The following FHIT variants were observed in gnomAD, a reference collection of about 807,000 sequenced individuals.
FHIT encodes the protein fragile histidine triad diadenosine triphosphatase.
In FHIT, 19 loss-of-function variants were observed where a neutral mutation model predicts 17.9. The observed-to-expected ratio is 1.06, with a 90% CI of 0.74 to 1.56. The LOEUF (loss-of-function observed/expected upper bound fraction) is 1.56, where lower values mean the gene tolerates loss of function less well. Among genes scored for constraint, FHIT ranks in the 40% most tolerant of loss-of-function variants. The pLI, the probability that FHIT is intolerant of heterozygous loss-of-function variation, is 0.00. For synonymous variants in FHIT, 81 were observed against 69.7 expected, an observed-to-expected ratio of 1.16 and a Z score of -0.81; for missense variants, 248 against 189.2, an observed-to-expected ratio of 1.31 and a Z score of -1.82.
intron 5 of FHIT, among the ~76,000 whole-genome samples, chr3:60,413,913 G>A (rs1298852579): frequency 6.6e-6 from 1 of 152,134 alleles, no homozygotes; most frequent in East Asian, 1.9e-4. Context: ...ATATATTGGT[G>A]AATAAAATAG....
At chr3:61,080,765 C>T (rs1435491704) in intron 2 of FHIT, among the ~76,000 whole-genome samples, 1 of 151,940 alleles carries the variant, frequency 6.6e-6, no homozygotes, top group Non-Finnish European at 1.5e-5. Context: ...GCCCTGACAG[C>T]TTTGAAAGAG....
chr3:60,351,677 C>T (rs1699401955), intron 5 of FHIT, among the ~76,000 whole-genome samples: 1 of 152,182 alleles, frequency 6.6e-6, no homozygotes, highest in African/African-American at 2.4e-5. Context: ...ATAAACATTC[C>T]TATAGAATCC....
chr3:59,881,675 A>AT (rs1703416131), intron 8 of FHIT, among the ~76,000 whole-genome samples: 1 of 152,240 alleles, frequency 6.6e-6, no homozygotes, highest in South Asian at 2.1e-4. Context: ...GCATATAACC[A>AT]TTTTTTTCTT....
intron 3 of FHIT, among the ~76,000 whole-genome samples, chr3:60,851,753 T>G (rs1359196230): frequency 2.0e-5 from 3 of 152,172 alleles, no homozygotes; most frequent in African/African-American, 7.2e-5. Context: ...GATTATTATA[T>G]TCAGGGAAGT....
chr3:60,469,788 G>A lies in FHIT; in HGVS notation c.103+67072C>T, dbSNP rs147281943. On this transcript the variant is annotated intron_variant, in intron 5 of 9. Transcript: ENST00000492590. ...CTGGGCTTGTTTCTGCCTATCCTTG[G>A]GAAGGCTTTCCAGGTATTTGAAGGG... Among the ~76,000 whole-genome samples the A allele has an allele frequency of 3.2e-3, 480 of 152,174 alleles. 1 individual carries two copies. The highest frequency in any genetic ancestry group is 0.011 in the African/African-American group (458 of 41,518).
In FHIT at chr3:60,317,617, A is replaced by ATGTG. The variant is rs71950103; in HGVS notation, c.103+219239_103+219242dup. Among the ~76,000 whole-genome samples the ATGTG allele has an allele frequency of 4.4e-3, 621 of 141,016 alleles. 14 individuals carry two copies. In the South Asian group the frequency reaches 0.068, roughly 16 times the overall value. 92.5% of individuals were successfully genotyped at this position (141,016 alleles called of 152,430 possible). The stretch of plus-strand genomic sequence containing the variant: ...ATAATCATATAATATGTAATTATAT[A>ATGTG]TGTGTGTGTGTGTGTGTGTATATAT... On this transcript the variant is annotated intron_variant, in intron 5 of 9. Transcript: ENST00000492590.
intron 4 of FHIT, among the ~76,000 whole-genome samples, chr3:60,778,566 C>G (rs1280697772): frequency 6.6e-6 from 1 of 152,130 alleles, no homozygotes; most frequent in African/African-American, 2.4e-5. Context: ...GTCAAGGAAA[C>G]TTATTTTGAA....
chr3:60,014,192 G>C lies in FHIT; in HGVS notation c.104-40C>G, dbSNP rs1174433591. ...GTTAAGGCCCATGCTGCTGGCTTTG[G>C]GTAGTGTTCTTACCAAGCAGTTCAT... On this transcript the variant is annotated intron_variant, in intron 5 of 9. Transcript: ENST00000492590. 5.6e-6 allele frequency: 9 copies of C among 1,609,172 alleles called. No homozygotes were observed. In the South Asian group the frequency reaches 8.8e-5, roughly 16 times the overall value.
At chr3:59,828,990 T>A (rs954663827) in intron 8 of FHIT, among the ~76,000 whole-genome samples, 14 of 152,174 alleles carry the variant, frequency 9.2e-5, no homozygotes, top group Non-Finnish European at 1.9e-4. Flanking sequence ...TCAAAGCCTC[T>A]CTAGTTTAAG....
At chr3:60,012,598 A>G (rs373191001) in intron 6 of FHIT, among the ~76,000 whole-genome samples, 2 of 152,176 alleles carry the variant, frequency 1.3e-5, no homozygotes, top group African/African-American at 4.8e-5. Flanking sequence ...AATAAAAACT[A>G]TTAGACTGCA....
intron 5 of FHIT, among the ~76,000 whole-genome samples, chr3:60,133,618 G>A (rs1395389719): frequency 2.0e-5 from 3 of 151,948 alleles, no homozygotes; most frequent in Non-Finnish European, 4.4e-5. Context: ...AGAGTGTGGG[G>A]ACCAGGGGGC....
At chr3:61,202,705 G>C (rs115075797) in intron 1 of FHIT, among the ~76,000 whole-genome samples, 1 of 149,294 alleles carries the variant, frequency 6.7e-6, no homozygotes, top group South Asian at 2.2e-4. Context: ...GTCAACCAGA[G>C]AGGGAAAAAA....
At chr3:60,797,059 A>G (rs1311101496) in intron 4 of FHIT, among the ~76,000 whole-genome samples, 1 of 152,210 alleles carries the variant, frequency 6.6e-6, no homozygotes, top group Middle Eastern at 3.2e-3. Context: ...GGGCTTTCCT[A>G]TCACAAACAT....
intron 3 of FHIT, among the ~76,000 whole-genome samples, chr3:60,869,023 C>A (rs550149935): frequency 2.0e-5 from 3 of 152,164 alleles, no homozygotes; most frequent in African/African-American, 7.2e-5. Flanking sequence ...AGGGATTTCC[C>A]AGCTTAACAA....
intron 2 of FHIT, among the ~76,000 whole-genome samples, chr3:61,092,041 A>G (rs535035620): frequency 2.7e-5 from 4 of 150,884 alleles, no homozygotes; most frequent in Admixed American, 2.6e-4. Flanking sequence ...AGAATCAGCA[A>G]CAACCATTTT....
intron 5 of FHIT, among the ~76,000 whole-genome samples, chr3:60,088,097 G>C (rs1467343986): frequency 1.3e-5 from 2 of 152,178 alleles, no homozygotes; most frequent in Admixed American, 6.5e-5. Flanking sequence ...TGTATGGAGA[G>C]ATCACATGAC....
chr3:59,818,254 G>A (rs1700671666), intron 8 of FHIT, among the ~76,000 whole-genome samples: 1 of 152,016 alleles, frequency 6.6e-6, no homozygotes, highest in Non-Finnish European at 1.5e-5. Flanking sequence ...GGCCCACGTG[G>A]GGCTGTGCAA....
In FHIT at chr3:59,787,364, G is replaced by T. The variant is rs1450824782; in HGVS notation, c.349-35043C>A. Among the ~76,000 whole-genome samples the T allele has an allele frequency of 3.9e-5, 6 of 151,976 alleles. No homozygotes were observed. The South Asian group carries it at 6.2e-4, about 16-fold the overall frequency. On this transcript the variant is annotated intron_variant, in intron 8 of 9. Transcript: ENST00000492590. ...CTGTGGCCTTTAAGCATTATTTGTT[G>T]GTTTTCACGTACCCATAACTATCAG... is the stretch of plus-strand genomic sequence containing the variant.
chr3:60,666,945 C>T (rs374248962), intron 4 of FHIT, among the ~76,000 whole-genome samples: 9 of 147,736 alleles, frequency 6.1e-5, no homozygotes, highest in African/African-American at 2.3e-4. Flanking sequence ...ACCTCTGCCT[C>T]CTGGGCTCAA....
Sources: gnomAD v4.1 joint callset for allele counts (sites outside exome capture counted in the v4.1 genomes callset) on GRCh38, gnomAD v4.1.1 for gene constraint, MANE v1.5 for transcripts, NCBI Gene and HGNC (gene_info 2026-07-23, HGNC 2026-07-21) for gene names.